Variants in TENM1 observed in about 807,000 individuals in gnomAD.
TENM1 encodes the protein teneurin transmembrane protein 1.
In TENM1, 35 loss-of-function variants were observed where a neutral mutation model predicts 174.8. The ratio of observed to expected loss-of-function variants is 0.20; its 90% CI spans 0.15 to 0.27. TENM1 has a LOEUF of 0.27. TENM1 is among the 10% of genes least tolerant of loss of function. The pLI, the probability that TENM1 is intolerant of heterozygous loss-of-function variation, is 1.00. For missense variants in TENM1, 1,633 were observed against 2,130.1 expected (o/e 0.77, Z 4.59); for synonymous variants, 781 against 798.7 (o/e 0.98, Z 0.37).
rs76682292 is a variant in TENM1, at chrX:124,734,447, CAAATAAATAAAT to C, written c.776+2498_776+2509del. ...CCTGGGCGACAGAAGGAGACTGTCT[CAAATAAATAAAT>C]AAATAAATAAATAAATAAATAAATA... is the stretch of plus-strand genomic sequence containing the variant. On this transcript the variant is annotated intron_variant, in intron 4 of 31. Transcript: ENST00000422452. Among the ~76,000 whole-genome samples, 340 of 104,375 alleles carry C rather than the reference CAAATAAATAAAT, an allele frequency of 3.3e-3. 5 individuals are homozygous for C. Among genetic ancestry groups the C allele is most frequent in the African/African-American group, 0.011 (312 of 27,789 alleles). 90.6% of individuals were successfully genotyped at this position (104,375 alleles called of 115,157 possible). A position where few individuals can be genotyped will look rare whatever the true frequency, so the allele number is the denominator to read the frequency against.
the TENM1 span, among the ~76,000 whole-genome samples, chrX:125,096,895 AAC>A: frequency 9.0e-6 from 1 of 111,196 alleles, no homozygotes; most frequent in African/African-American, 3.3e-5. Context: ...AAAAAAAAAA[AAC>A]TTTTCCTCCA....
chrX:124,475,909 C>T (rs2061382367), intron 22 of TENM1, among the ~76,000 whole-genome samples: 1 of 111,574 alleles, frequency 9.0e-6, no homozygotes, highest in Non-Finnish European at 1.9e-5. Flanking sequence ...CTTGCTTCTG[C>T]CCCCCTTTCC....
At chrX:125,021,026 G>A in the TENM1 span, among the ~76,000 whole-genome samples, 1,280 of 107,933 alleles carry the variant, frequency 0.012, 22 homozygotes, top group African/African-American at 0.041. Context: ...CTTTATAATT[G>A]TAAATAAATT....
At chrX:124,490,184 T>G (rs2047036643) in intron 20 of TENM1, among the ~76,000 whole-genome samples, 1 of 112,107 alleles carries the variant, frequency 8.9e-6, no homozygotes, top group Admixed American at 9.5e-5. Context: ...GGAACATATT[T>G]CTTAGAGTGA....
the TENM1 span, among the ~76,000 whole-genome samples, chrX:125,090,224 C>T: frequency 8.9e-6 from 1 of 111,964 alleles, no homozygotes; most frequent in Admixed American, 9.5e-5. Flanking sequence ...GGACTTTCCA[C>T]TGTATGTCAG....
chrX:124,853,960 G>A (rs1157355083), intron 3 of TENM1, among the ~76,000 whole-genome samples: 1 of 111,133 alleles, frequency 9.0e-6, no homozygotes, highest in Non-Finnish European at 1.9e-5. Flanking sequence ...TAGGGTAAGA[G>A]AGAGAGCCTG....
intron 27 of TENM1, among the ~76,000 whole-genome samples, chrX:124,404,734 C>T (rs1721176239): frequency 9.0e-6 from 1 of 111,119 alleles, no homozygotes; most frequent in African/African-American, 3.3e-5. Flanking sequence ...TTTGACTAAA[C>T]ACATTTCTCC....
chrX:124,480,580 G>A (rs2046820524), intron 22 of TENM1, among the ~76,000 whole-genome samples: 1 of 112,053 alleles, frequency 8.9e-6, no homozygotes, highest in Non-Finnish European at 1.9e-5. Flanking sequence ...TAAAATATCT[G>A]ATATGCATGG....
At chrX:124,728,583 T>TC (rs1006982061) in intron 4 of TENM1, among the ~76,000 whole-genome samples, 11 of 111,082 alleles carry the variant, frequency 9.9e-5, no homozygotes, top group African/African-American at 3.3e-4. Context: ...ATTTCGACTT[T>TC]CCCCCCTTCT....
At chrX:124,601,130 A>C (rs917615387) in intron 11 of TENM1, among the ~76,000 whole-genome samples, 5 of 112,177 alleles carry the variant, frequency 4.5e-5, no homozygotes, top group African/African-American at 1.6e-4. Context: ...CCAAATAAAA[A>C]GTAAAGGGTG....
At chrX:125,168,863 C>A in the TENM1 span, among the ~76,000 whole-genome samples, 1 of 111,269 alleles carries the variant, frequency 9.0e-6, no homozygotes, top group Non-Finnish European at 1.9e-5. Flanking sequence ...AGCAGAAAAA[C>A]CACTAAGTCA....
the TENM1 span, among the ~76,000 whole-genome samples, chrX:124,968,911 A>T: frequency 8.9e-6 from 1 of 112,077 alleles, no homozygotes; most frequent in Non-Finnish European, 1.9e-5. Context: ...ATTAAGAAAA[A>T]GATTAATATT....
rs753788833 is a variant in TENM1 at position 124,678,451 on chromosome X, A to C, written c.1016-6616T>G. On this transcript the variant is annotated intron_variant, in intron 5 of 31. Coordinates refer to ENST00000422452, the Ensembl canonical transcript of TENM1. ...AAGGATACTTTGACATTTTCATAGTATTGTTAGAATCTTTTACAATGATAA... is the reference window on the plus strand; with the variant it reads ...AAGGATACTTTGACATTTTCATAGTCTTGTTAGAATCTTTTACAATGATAA... Among the ~76,000 whole-genome samples, 58 of 111,565 alleles carry C rather than the reference A, an allele frequency of 5.2e-4. 1 individual carries two copies. Among genetic ancestry groups the C allele is most frequent in the African/African-American group, 1.8e-3 (57 of 30,874 alleles).
At chrX:124,496,555 C>T (rs1392842628) in intron 20 of TENM1, among the ~76,000 whole-genome samples, 1 of 111,788 alleles carries the variant, frequency 8.9e-6, no homozygotes, top group East Asian at 2.8e-4. Context: ...TTTATCATGC[C>T]ATGAAAACCA....
intron 3 of TENM1, among the ~76,000 whole-genome samples, chrX:124,777,067 T>C (rs1488443777): frequency 9.0e-6 from 1 of 111,546 alleles, no homozygotes; most frequent in Non-Finnish European, 1.9e-5. Flanking sequence ...AAATTAATTC[T>C]AAGCAGTCAT....
At chrX:124,497,065 C>A (rs137882910) in exon 20 of TENM1, 1 of 1,208,232 alleles carries the variant, frequency 8.3e-7, no homozygotes, top group Admixed American at 2.2e-5. Context: ...ATTCTCCTTA[C>A]AAAATTGAAG....
chrX:124,869,062 CA>C (rs146594515), intron 3 of TENM1, among the ~76,000 whole-genome samples: 950 of 52,773 alleles, frequency 0.018, 13 homozygotes, highest in African/African-American at 0.049. Context: ...CCGTCTCTAC[CA>C]AAAAAAAAAA....
At chrX:124,770,017 T>C (rs2054618996) in intron 3 of TENM1, among the ~76,000 whole-genome samples, 1 of 111,902 alleles carries the variant, frequency 8.9e-6, no homozygotes, top group Non-Finnish European at 1.9e-5. Flanking sequence ...TCCAGATGAG[T>C]AAAGTGACTT....
chrX:124,813,437 T>C (rs1293500815), intron 3 of TENM1, among the ~76,000 whole-genome samples: 1 of 111,715 alleles, frequency 9.0e-6, no homozygotes, highest in Non-Finnish European at 1.9e-5. Context: ...AATGCACAGA[T>C]ACCTAGGAAG....
Sources: allele counts gnomAD v4.1 joint callset (sites outside exome capture counted in the v4.1 genomes callset), GRCh38; gene constraint gnomAD v4.1.1; transcripts MANE v1.5; gene names NCBI Gene and HGNC (gene_info 2026-07-23, HGNC 2026-07-21).